The following ABCG1 variants were observed in gnomAD, a reference collection of about 807,000 sequenced individuals.
ABCG1 encodes the protein ATP binding cassette subfamily G member 1, also known as ATP-binding cassette sub-family G member 1.
In ABCG1, 29 loss-of-function variants were observed where a neutral mutation model predicts 69.2. The ratio of observed to expected loss-of-function variants is 0.42; its 90% CI spans 0.31 to 0.57. The LOEUF (loss-of-function observed/expected upper bound fraction) is 0.57. Among genes scored for constraint, ABCG1 ranks in the 20% least tolerant of loss-of-function variants. ABCG1 has a pLI of 0.15. For missense variants in ABCG1, 718 were observed against 898.1 expected (o/e 0.80, Z 2.56); for synonymous variants, 370 against 374.8 (o/e 0.99, Z 0.15).
chr21:42,268,399 G>A (rs1320764426), intron 2 of ABCG1, among the ~76,000 whole-genome samples: 1 of 151,846 alleles, frequency 6.6e-6, no homozygotes, highest in Non-Finnish European at 1.5e-5. Flanking sequence ...GCGCGCGCGC[G>A]CTGGATACTC....
chr21:42,256,426 C>G (rs1340479491), intron 2 of ABCG1: 2 of 1,549,404 alleles, frequency 1.3e-6, no homozygotes, highest in South Asian at 1.2e-5. Context: ...CTCACACCTT[C>G]CTGTCAGAGT....
rs759534834 is a variant in ABCG1 at position 42,287,132 on chromosome 21, C to T, written c.974-757C>T. On this transcript the variant is annotated intron_variant, in intron 8 of 14. Transcript: ENST00000398449. The surrounding 1 kb of genome is among the most constrained non-coding windows in gnomAD (Gnocchi z 6.2). ...GTTACTGGAGTGGGAGGCAAGGCATCGCACAGGGAGGACACAGAGGCAGGA... is the reference window on the plus strand; with the variant it reads ...GTTACTGGAGTGGGAGGCAAGGCATTGCACAGGGAGGACACAGAGGCAGGA... 3.9e-5 allele frequency among the ~76,000 whole-genome samples: 6 copies of T among 152,088 alleles called. No homozygotes were observed. Among genetic ancestry groups the T allele is most frequent in the Non-Finnish European group, 7.4e-5 (5 of 68,016 alleles).
chr21:42,278,404 C>T (rs1413310145), intron 5 of ABCG1, among the ~76,000 whole-genome samples: 1 of 152,110 alleles, frequency 6.6e-6, no homozygotes, highest in East Asian at 1.9e-4. Context: ...AAGCCTACAC[C>T]CCAGAAACCC....
At chr21:42,281,213 G>A (rs992504260) in intron 5 of ABCG1, among the ~76,000 whole-genome samples, 6 of 152,210 alleles carry the variant, frequency 3.9e-5, no homozygotes, top group Non-Finnish European at 7.3e-5. Context: ...CATCTCCCTA[G>A]AGGAGCCGCT....
intron 8 of ABCG1, among the ~76,000 whole-genome samples, chr21:42,286,634 G>A (rs970224664): frequency 1.3e-5 from 2 of 152,186 alleles, no homozygotes; most frequent in African/African-American, 4.8e-5. Context: ...CGCTCACAAG[G>A]AAGAGTAACA....
chr21:42,201,840 G>C (rs551325884), intron 2 of ABCG1: 40 of 1,573,896 alleles, frequency 2.5e-5, no homozygotes, highest in East Asian at 1.4e-4. Flanking sequence ...GGTGTGGGCT[G>C]TGGGAGCTCC....
intron 2 of ABCG1, chr21:42,259,243 G>A: frequency 6.9e-7 from 1 of 1,457,994 alleles, no homozygotes; most frequent in African/African-American, 1.4e-5. Context: ...CTGGAGCAGA[G>A]TCAGCAAAGC....
intron 2 of ABCG1, among the ~76,000 whole-genome samples, chr21:42,209,968 A>G (rs2067573393): frequency 1.3e-5 from 2 of 152,206 alleles, no homozygotes; most frequent in Admixed American, 1.3e-4. Context: ...GGAAGGGCCA[A>G]TGATGGACAA....
At chr21:42,250,857 G>C (rs531111818) in intron 2 of ABCG1, among the ~76,000 whole-genome samples, 1 of 152,196 alleles carries the variant, frequency 6.6e-6, no homozygotes, top group Admixed American at 6.5e-5. Flanking sequence ...GGGTGTGTGC[G>C]GGGTATAGGA....
intron 2 of ABCG1, among the ~76,000 whole-genome samples, chr21:42,229,204 G>A (rs1244195304): frequency 6.6e-6 from 1 of 152,214 alleles, no homozygotes; most frequent in Non-Finnish European, 1.5e-5. Context: ...GTTTGTATTT[G>A]GCATCATCTC....
intron 1 of ABCG1, among the ~76,000 whole-genome samples, chr21:42,200,781 G>T (rs1355525721): frequency 1.3e-5 from 2 of 151,908 alleles, no homozygotes. Flanking sequence ...TAGAGATGGG[G>T]CTTCACCATG....
chr21:42,267,841 G>C (rs1480403657), intron 2 of ABCG1, among the ~76,000 whole-genome samples: 2 of 150,622 alleles, frequency 1.3e-5, no homozygotes, highest in Non-Finnish European at 3.0e-5. Context: ...GTCTGGTCTG[G>C]GTTCTGTCTG....
chr21:42,283,838 C>T (rs1335945128), intron 6 of ABCG1, among the ~76,000 whole-genome samples: 4 of 57,618 alleles, frequency 6.9e-5, no homozygotes, highest in Admixed American at 1.5e-4. Context: ...GTTGCAAAGT[C>T]CCCCCGCCCA....
At chr21:42,223,668 A>T (rs551426473) in intron 1 of ABCG1, among the ~76,000 whole-genome samples, 2 of 152,334 alleles carry the variant, frequency 1.3e-5, no homozygotes, top group South Asian at 4.1e-4. Flanking sequence ...TTGCCAGGTC[A>T]GGGGCCATGT....
At chr21:42,259,539 C>T (rs771639813) in intron 2 of ABCG1, 1 of 1,528,876 alleles carries the variant, frequency 6.5e-7, no homozygotes, top group African/African-American at 1.4e-5. Flanking sequence ...CTGGAGTCAT[C>T]ATGTGGGCCC....
At chr21:42,279,206 G>T (rs532850208) in intron 5 of ABCG1, among the ~76,000 whole-genome samples, 1 of 152,096 alleles carries the variant, frequency 6.6e-6, no homozygotes, top group Non-Finnish European at 1.5e-5. Flanking sequence ...AAGGAGAGAC[G>T]GTGGAAGTGG....
intron 2 of ABCG1, among the ~76,000 whole-genome samples, chr21:42,268,848 T>C (rs577000686): frequency 6.6e-6 from 1 of 152,302 alleles, no homozygotes; most frequent in South Asian, 2.1e-4. Context: ...TGCCATGTCC[T>C]GTTCCTGGGG....
chr21:42,231,572 C>T (rs930936707), intron 2 of ABCG1, among the ~76,000 whole-genome samples: 9 of 152,220 alleles, frequency 5.9e-5, no homozygotes, highest in African/African-American at 2.2e-4. Flanking sequence ...TAATGACAGG[C>T]CAGCTAAAGT....
At chr21:42,251,861 A>C (rs1318351805) in intron 2 of ABCG1, among the ~76,000 whole-genome samples, 5 of 152,230 alleles carry the variant, frequency 3.3e-5, no homozygotes, top group Non-Finnish European at 7.3e-5. Flanking sequence ...TGCAGGCCCA[A>C]AGTCCTTGCT....
Sources: allele counts gnomAD v4.1 joint callset (sites outside exome capture counted in the v4.1 genomes callset), GRCh38; gene constraint gnomAD v4.1.1; non-coding constraint Gnocchi (gnomAD v3.1); transcripts MANE v1.5; gene names NCBI Gene and HGNC (gene_info 2026-07-23, HGNC 2026-07-21).